ERBB4: variants seen among roughly 807,000 people sequenced by gnomAD.
ERBB4 encodes receptor tyrosine-protein kinase erbB-4.
Under a neutral mutation model 158.0 loss-of-function variants are expected in ERBB4, and 42 were observed. The ratio of observed to expected loss-of-function variants is 0.27; its 90% CI spans 0.21 to 0.34. ERBB4 has a LOEUF of 0.34. ERBB4 is among the 10% of genes least tolerant of loss of function. ERBB4 has a pLI of 1.00. For synonymous variants in ERBB4, 583 were observed against 558.7 expected (o/e 1.04, Z -0.61); for missense variants, 1,333 against 1,624.1 (o/e 0.82, Z 3.08).
chr2:212,320,227 C>CTTT (rs35543088), intron 1 of ERBB4, among the ~76,000 whole-genome samples: 1 of 124,002 alleles, frequency 8.1e-6, no homozygotes, highest in Non-Finnish European at 1.8e-5. Context: ...CGCAGTCATA[C>CTTT]TTTTATTTTT....
chr2:212,322,002 G>T lies in ERBB4; in HGVS notation c.83-197099C>A, dbSNP rs188998198. On this transcript the variant is annotated intron_variant, in intron 1 of 27. Transcript: ENST00000342788. ...AATAGAGAATAATACGATTTTGTTG[G>T]TACAATGCAAGTTTATAGATTTCAC... 1.9e-3 allele frequency among the ~76,000 whole-genome samples: 281 copies of T among 150,322 alleles called. 3 individuals carry two copies. Among genetic ancestry groups the T allele is most frequent in the African/African-American group, 6.5e-3 (270 of 41,342 alleles).
intron 25 of ERBB4, among the ~76,000 whole-genome samples, chr2:211,395,766 T>C (rs2062901842): frequency 6.6e-6 from 1 of 152,052 alleles, no homozygotes; most frequent in Non-Finnish European, 1.5e-5. Context: ...CAGGTTGCCC[T>C]TCACAGAGAA....
At chr2:212,076,074 A>G (rs186343531) in intron 2 of ERBB4, among the ~76,000 whole-genome samples, 4 of 152,054 alleles carry the variant, frequency 2.6e-5, no homozygotes, top group Middle Eastern at 7.0e-3. Context: ...AGCAGACACC[A>G]AAAGAATGAA....
chr2:211,697,436 A>G (rs1421097644), intron 12 of ERBB4, among the ~76,000 whole-genome samples: 2 of 152,218 alleles, frequency 1.3e-5, no homozygotes, highest in African/African-American at 4.8e-5. Context: ...TCACTTAACT[A>G]TATAAAAATA....
chr2:211,720,257 T>C (rs1462225228), intron 7 of ERBB4, among the ~76,000 whole-genome samples: 2 of 152,246 alleles, frequency 1.3e-5, no homozygotes, highest in Non-Finnish European at 2.9e-5. Flanking sequence ...CCTGCTGTAT[T>C]AGCACATTCC....
chr2:212,105,709 T>C (rs1478108251), intron 2 of ERBB4, among the ~76,000 whole-genome samples: 3 of 152,176 alleles, frequency 2.0e-5, no homozygotes, highest in Non-Finnish European at 2.9e-5. Flanking sequence ...CCTGACCTAA[T>C]TGATATGGTT....
chr2:211,946,900 T>G (rs987317102), intron 3 of ERBB4, among the ~76,000 whole-genome samples: 5 of 152,186 alleles, frequency 3.3e-5, no homozygotes, highest in African/African-American at 1.2e-4. Flanking sequence ...AAACCTACTC[T>G]GATGATCTGA....
At chr2:212,189,071 A>C (rs1420872467) in intron 1 of ERBB4, among the ~76,000 whole-genome samples, 1 of 105,112 alleles carries the variant, frequency 9.5e-6, no homozygotes, top group Admixed American at 1.1e-4. Context: ...TCAGATTTCT[A>C]ACTTTTTTTT....
At chr2:211,930,278 T>G (rs2080137983) in intron 3 of ERBB4, among the ~76,000 whole-genome samples, 1 of 152,200 alleles carries the variant, frequency 6.6e-6, no homozygotes, top group Non-Finnish European at 1.5e-5. Flanking sequence ...AGAAAATCCA[T>G]GGTCTTGTAT....
intron 20 of ERBB4, among the ~76,000 whole-genome samples, chr2:211,433,574 C>A (rs575727074): frequency 7.2e-6 from 1 of 138,878 alleles, no homozygotes. Flanking sequence ...GAGTGAGACT[C>A]TCAAAAAAAA....
intron 1 of ERBB4, among the ~76,000 whole-genome samples, chr2:212,198,336 T>A (rs991420736): frequency 2.0e-5 from 3 of 152,176 alleles, no homozygotes; most frequent in African/African-American, 7.2e-5. Flanking sequence ...CTTCCCAAAC[T>A]GAAACTGTCT....
Position 211,380,883 on chromosome 2 carries a change from T to C in ERBB4, c.*2732A>G, listed in dbSNP as rs2125301378. The C allele has an allele frequency of 4.3e-6, 1 of 232,104 alleles. No individual in the cohort carries two copies. The highest frequency in any genetic ancestry group is 6.1e-5 in the East Asian group (1 of 16,418). The allele number at this position is 232,104 out of a possible 1,614,324, so 14.4% of individuals were successfully genotyped here. A position where few individuals can be genotyped will look rare whatever the true frequency, so the allele number is the denominator to read the frequency against. ...TTTGTTTTAACTATTCATTTTTTCCTTCTCCAAAATGAGTGATTCTGCTTT... is the reference window on the plus strand; with the variant it reads ...TTTGTTTTAACTATTCATTTTTTCCCTCTCCAAAATGAGTGATTCTGCTTT... On this transcript the variant is annotated 3_prime_UTR_variant, in exon 28 of 28. Transcript: ENST00000342788.
At chr2:212,051,439 A>G (rs1361666013) in intron 2 of ERBB4, among the ~76,000 whole-genome samples, 1 of 152,120 alleles carries the variant, frequency 6.6e-6, no homozygotes, top group South Asian at 2.1e-4. Context: ...TAAGACTTTT[A>G]TTTTTAAGGT....
In ERBB4 at chr2:212,379,874, A is replaced by C. The variant is rs1021681579; in HGVS notation, c.82+158575T>G. Among the ~76,000 whole-genome samples, 4 of 150,910 alleles carry C rather than the reference A, an allele frequency of 2.7e-5. No individual in the cohort carries two copies. The Admixed American group carries it at 2.7e-4, about 10-fold the overall frequency. Reference sequence around the variant, plus strand: ...TTTCCATACTACCAATGGGAGGCTGAAAGCAATGAAAGACAAAACATTGTA... The same window carrying C: ...TTTCCATACTACCAATGGGAGGCTGCAAGCAATGAAAGACAAAACATTGTA... On this transcript the variant is annotated intron_variant, in intron 1 of 27. Coordinates refer to ENST00000342788, the MANE Select transcript of ERBB4 (RefSeq NM_005235.3).
intron 1 of ERBB4, among the ~76,000 whole-genome samples, chr2:212,466,412 T>C (rs1688837961): frequency 6.6e-6 from 1 of 152,168 alleles, no homozygotes; most frequent in African/African-American, 2.4e-5. Context: ...AAAATTCCCA[T>C]GTTGTGGAAG....
At chr2:211,780,749 A>G (rs571813142) in intron 4 of ERBB4, among the ~76,000 whole-genome samples, 1 of 152,248 alleles carries the variant, frequency 6.6e-6, no homozygotes, top group East Asian at 1.9e-4. Flanking sequence ...ATCTGAATTC[A>G]TAAGTGATCT....
intron 4 of ERBB4, among the ~76,000 whole-genome samples, chr2:211,772,868 T>TATATATATATATATATAC (rs2075741389): frequency 1.6e-5 from 1 of 63,478 alleles, no homozygotes; most frequent in Non-Finnish European, 2.8e-5. Context: ...TATATATATA[T>TATATATATATATATATAC]ACACATATAT....
chr2:211,543,636 A>G (rs911734596), intron 20 of ERBB4, among the ~76,000 whole-genome samples: 1 of 151,924 alleles, frequency 6.6e-6, no homozygotes. Flanking sequence ...TTGAGTGATG[A>G]TAATCAAAAT....
intron 25 of ERBB4, among the ~76,000 whole-genome samples, chr2:211,394,940 T>C (rs1411246776): frequency 1.3e-5 from 2 of 152,096 alleles, no homozygotes; most frequent in African/African-American, 4.8e-5. Context: ...CTTGGTCTTT[T>C]AGTTTATTTA....
Sources: allele counts gnomAD v4.1 joint callset (sites outside exome capture counted in the v4.1 genomes callset), GRCh38; gene constraint gnomAD v4.1.1; transcripts MANE v1.5; gene names NCBI Gene and HGNC (gene_info 2026-07-23, HGNC 2026-07-21).